C5: variants seen among roughly 807,000 people sequenced by gnomAD.
C5 encodes complement C5.
A neutral mutation model predicts 218.8 loss-of-function variants in C5; 140 were observed. That is an observed-to-expected ratio of 0.64 (90% CI 0.56 to 0.74). The LOEUF is 0.74. C5 is among the 30% of genes least tolerant of loss of function. The pLI, the probability that C5 is intolerant of heterozygous loss-of-function variation, is 0.00. For synonymous variants in C5, 614 were observed against 682.3 expected, an observed-to-expected ratio of 0.90 and a Z score of 1.56; for missense variants, 1,700 against 1,969.6, an observed-to-expected ratio of 0.86 and a Z score of 2.59.
chr9:120,957,531 A>G (rs750865223), intron 38 of C5, among the ~76,000 whole-genome samples, 163 bp from the exon 39 acceptor site: 15 of 152,244 alleles, frequency 9.9e-5, no homozygotes, highest in Non-Finnish European at 1.8e-4. Flanking sequence ...GTCTGATTCA[A>G]TCTCTCAATC....
the C5 span, among the ~76,000 whole-genome samples, chr9:121,063,441 T>C: frequency 6.6e-6 from 1 of 152,120 alleles, no homozygotes; most frequent in Admixed American, 6.5e-5. Context: ...TTTAGTTCTT[T>C]AGATGTGGTT....
At chr9:120,996,976 G>A (rs548922651) in intron 21 of C5, among the ~76,000 whole-genome samples, 8 of 151,686 alleles carry the variant, frequency 5.3e-5, no homozygotes, top group South Asian at 4.2e-4. Context: ...TGTTAATAGC[G>A]TGAATACAAT....
At chr9:121,050,773 C>T (rs2047665999), upstream of C5, among the ~76,000 whole-genome samples, 1 of 152,130 alleles carries the variant, frequency 6.6e-6, no homozygotes, top group African/African-American at 2.4e-5. Context: ...TGAGCATAAC[C>T]TAGCTCTGCA....
the C5 span, among the ~76,000 whole-genome samples, chr9:121,069,981 G>A: frequency 5.9e-5 from 9 of 152,078 alleles, no homozygotes; most frequent in Non-Finnish European, 1.2e-4. Context: ...TCAAAGACAC[G>A]TCTGCATCCC....
At chr9:121,048,558 C>G (rs1244448463) in intron 1 of C5, among the ~76,000 whole-genome samples, 1 of 152,182 alleles carries the variant, frequency 6.6e-6, no homozygotes, top group Non-Finnish European at 1.5e-5. Flanking sequence ...CAAAACCTGT[C>G]CCTAGTGCCA....
the C5 span, among the ~76,000 whole-genome samples, chr9:121,059,476 C>T: frequency 0.016 from 2,460 of 152,316 alleles, 56 homozygotes; most frequent in African/African-American, 0.056. This position sits in a 1 kb window ranked among gnomAD's most constrained non-coding sequence, Gnocchi z 4.1. Context: ...CACTGAGCCA[C>T]GCTTTTTCAG....
At chr9:121,003,077 G>A (rs2047185157) in intron 20 of C5, among the ~76,000 whole-genome samples, 1 of 152,178 alleles carries the variant, frequency 6.6e-6, no homozygotes, top group African/African-American at 2.4e-5. Flanking sequence ...CAGATCACAA[G>A]GTCAGGAGTT....
intron 37 of C5, among the ~76,000 whole-genome samples, chr9:120,960,598 C>G (rs1476966710): frequency 6.6e-6 from 1 of 152,224 alleles, no homozygotes; most frequent in Non-Finnish European, 1.5e-5. Flanking sequence ...GCACACAGCC[C>G]AGGGCAGCTT....
At chr9:120,982,132 C>T (rs745511190) in intron 26 of C5, among the ~76,000 whole-genome samples, 193 bp from the exon 27 acceptor site, 2 of 152,220 alleles carry the variant, frequency 1.3e-5, no homozygotes, top group African/African-American at 2.4e-5. Flanking sequence ...CGGCCTCAGC[C>T]TTCTGAGTAG....
chr9:121,054,118 T>C (rs1047202283), upstream of C5, among the ~76,000 whole-genome samples: 2 of 152,124 alleles, frequency 1.3e-5, no homozygotes, highest in Non-Finnish European at 2.9e-5. Context: ...AGGTTAGACA[T>C]GCCTTGTTAT....
chr9:120,973,815 C>T (rs1039769451), intron 30 of C5, among the ~76,000 whole-genome samples: 32 of 151,808 alleles, frequency 2.1e-4, no homozygotes, highest in Non-Finnish European at 4.3e-4. Flanking sequence ...CCATATCTAC[C>T]AAAAATACAA....
At chr9:120,965,774 A>G (rs893289992) in intron 33 of C5, among the ~76,000 whole-genome samples, 3 of 152,174 alleles carry the variant, frequency 2.0e-5, no homozygotes, top group Non-Finnish European at 4.4e-5. Flanking sequence ...AGATGCAAAC[A>G]CTTTGTCAGC....
At chr9:121,002,310 G>GTATATATA (rs1358812272) in intron 20 of C5, among the ~76,000 whole-genome samples, 45 of 53,572 alleles carry the variant, frequency 8.4e-4, no homozygotes, top group African/African-American at 2.6e-3. Context: ...ATATATATAT[G>GTATATATA]TGTGTGTATA....
chr9:121,044,897 C>G (rs889001546), intron 2 of C5, among the ~76,000 whole-genome samples: 1 of 151,686 alleles, frequency 6.6e-6, no homozygotes, highest in African/African-American at 2.4e-5. Flanking sequence ...AAACTAAGAG[C>G]CACAAATACA....
At chr9:121,013,730 T>TG in intron 17 of C5, 143 bp downstream of exon 17, 2 of 752,044 alleles carry the variant, frequency 2.7e-6, no homozygotes, top group Non-Finnish European at 4.2e-6. Flanking sequence ...AAATGAAGGA[T>TG]TTTTTTTTCT....
chr9:120,994,165 T>C (rs1323420010), intron 22 of C5, among the ~76,000 whole-genome samples: 4 of 152,240 alleles, frequency 2.6e-5, no homozygotes, highest in Admixed American at 6.5e-5. Context: ...TTCTCCCTCA[T>C]TGATATATTT....
chr9:121,019,591 T>C (rs1316868708), intron 12 of C5, among the ~76,000 whole-genome samples: 1 of 152,240 alleles, frequency 6.6e-6, no homozygotes, highest in African/African-American at 2.4e-5. Context: ...GGTCTAGGCA[T>C]ATAATCTTTG....
intron 1 of C5, 55 bp from the exon 2 acceptor site, chr9:121,046,438 T>C (rs2047628618): frequency 7.7e-7 from 1 of 1,303,116 alleles, no homozygotes; most frequent in African/African-American, 1.5e-5. Flanking sequence ...TATTTTCTTT[T>C]ACTTTTGATT....
At chr9:120,961,225 T>C (rs2046824959) in intron 37 of C5, among the ~76,000 whole-genome samples, 1 of 152,198 alleles carries the variant, frequency 6.6e-6, no homozygotes, top group South Asian at 2.1e-4. Context: ...TCTCACATCA[T>C]GTTGCCCCTA....
Sources: gnomAD v4.1 joint callset for allele counts (sites outside exome capture counted in the v4.1 genomes callset) on GRCh38, gnomAD v4.1.1 for gene constraint, Gnocchi (gnomAD v3.1) non-coding constraint, MANE v1.5 for transcripts, NCBI Gene and HGNC (gene_info 2026-07-23, HGNC 2026-07-21) for gene names.